The following NEK3 variants were observed in gnomAD, a reference collection of about 807,000 sequenced individuals.
NEK3 encodes the protein NIMA related kinase 3.
Under a neutral mutation model 66.0 loss-of-function variants are expected in NEK3, and 54 were observed. The observed-to-expected ratio is 0.82, with a 90% CI of 0.66 to 1.03. NEK3 has a LOEUF of 1.03. Among genes scored for constraint, NEK3 ranks in the 50% least tolerant of loss-of-function variants. The pLI, the probability that NEK3 is intolerant of heterozygous loss-of-function variation, is 0.00. For synonymous variants in NEK3, 200 were observed against 206.2 expected (o/e 0.97, Z 0.26); for missense variants, 593 against 603.0 (o/e 0.98, Z 0.17).
intron 14 of NEK3, among the ~76,000 whole-genome samples, chr13:52,134,581 A>G (rs1387635243): frequency 6.6e-6 from 1 of 152,234 alleles, no homozygotes; most frequent in Non-Finnish European, 1.5e-5. Flanking sequence ...CACAAACAGC[A>G]TGAAAACCTA....
intron 7 of NEK3, among the ~76,000 whole-genome samples, chr13:52,149,240 C>T (rs1307694701): frequency 6.6e-6 from 1 of 151,500 alleles, no homozygotes; most frequent in Non-Finnish European, 1.5e-5. Flanking sequence ...CACTGTGTTG[C>T]CTAGGCTGGA....
At chr13:52,148,548 A>G in intron 7 of NEK3, 79 bp from the exon 8 acceptor site, 1 of 1,215,240 alleles carries the variant, frequency 8.2e-7, no homozygotes, top group South Asian at 1.2e-5. Context: ...TACCTTTAAT[A>G]AGAATAGATA....
intron 13 of NEK3, 55 bp from the exon 14 acceptor site, chr13:52,135,918 T>C (rs191847609): frequency 1.3e-6 from 2 of 1,578,538 alleles, no homozygotes; most frequent in Non-Finnish European, 1.7e-6. Flanking sequence ...TTTCAGCATG[T>C]ACTTTCCAGA....
chr13:52,152,797 C>T (rs781658711), intron 4 of NEK3, 105 bp from the exon 5 acceptor site: 12 of 676,300 alleles, frequency 1.8e-5, no homozygotes, highest in East Asian at 5.3e-5. Context: ...CGGGATTTTA[C>T]GTAATGTGAG....
chr13:52,139,074 G>T (rs1346219048), intron 11 of NEK3, among the ~76,000 whole-genome samples: 1 of 152,234 alleles, frequency 6.6e-6, no homozygotes, highest in South Asian at 2.1e-4. Flanking sequence ...CAGTGTAAAA[G>T]AATGTCACAG....
Position 52,136,922 on chromosome 13 carries a change from T to C in NEK3, c.928-20A>G. The C allele has an allele frequency of 1.4e-6, 2 of 1,476,980 alleles. No individual in the cohort carries two copies. Among genetic ancestry groups the C allele is most frequent in the South Asian group, 1.3e-5 (1 of 74,358 alleles). The allele number at this position is 1,476,980 out of a possible 1,614,324, so 91.5% of individuals were successfully genotyped here. ...CTCTTGCTTTAAAAGAGATTAACAA[T>C]ACAGATTAAATAATGCTTGAATTGC... On this transcript the variant is annotated intron_variant, in intron 11 of 15. Transcript: ENST00000610828.
In NEK3 at chr13:52,151,133, A is replaced by AT. The variant is rs771947419; in HGVS notation, c.548+12dup. 1 of 1,597,622 alleles carries AT rather than the reference A, an allele frequency of 6.3e-7. No individual in the cohort carries two copies. The highest frequency in any genetic ancestry group is 1.1e-5 in the South Asian group (1 of 87,952). On this transcript the variant is annotated intron_variant, in intron 7 of 15. Coordinates refer to ENST00000610828, the MANE Select transcript of NEK3 (RefSeq NM_002498.3). Reference sequence around the variant, plus strand: ...CCAAATGGGCACCCTGACATCAAATATGCAGCACTCACCTTTTATTGTTAT... The same window carrying AT: ...CCAAATGGGCACCCTGACATCAAATATTGCAGCACTCACCTTTTATTGTTAT...
intron 7 of NEK3, among the ~76,000 whole-genome samples, chr13:52,150,866 A>G (rs1469457527): frequency 6.6e-6 from 1 of 152,232 alleles, no homozygotes; most frequent in Non-Finnish European, 1.5e-5. Context: ...AACCACTGAT[A>G]TAATTCATAC....
upstream of NEK3, chr13:52,159,736 TGC>T (rs1397475832): frequency 2.0e-5 from 3 of 152,208 alleles, no homozygotes; most frequent in Non-Finnish European, 4.4e-5. Flanking sequence ...GGTGGAACAG[TGC>T]TGTTAACATT....
chr13:52,151,080 C>CTTA, intron 7 of NEK3, 66 bp downstream of exon 7: 1 of 1,234,982 alleles, frequency 8.1e-7, no homozygotes, highest in Non-Finnish European at 1.2e-6. Context: ...CAGACTCTAG[C>CTTA]ATCATTTGCA....
intron 2 of NEK3, 86 bp from the exon 3 acceptor site, chr13:52,154,259 T>C (rs896844798): frequency 5.1e-6 from 4 of 782,390 alleles, no homozygotes; most frequent in Non-Finnish European, 7.9e-6. Flanking sequence ...TATGACACTT[T>C]AATGCTAGAT....
intron 10 of NEK3, among the ~76,000 whole-genome samples, chr13:52,141,917 T>TAAAAA (rs368362666): frequency 8.9e-6 from 1 of 112,742 alleles, no homozygotes. Flanking sequence ...CTGTCTCTAC[T>TAAAAA]AAAAAAAAAA....
chr13:52,152,694 T>C lies in NEK3; in HGVS notation c.310-2A>G, dbSNP rs773212267. On this transcript the variant is annotated splice_acceptor_variant, in intron 4 of 15. Transcript: ENST00000610828. LOFTEE classifies it high-confidence loss of function. ...CATTTGGGTAAACCAATTAAGTATCTGTAAGAAAAAGGTATGCAAAATCTT... is the reference window on the plus strand; with the variant it reads ...CATTTGGGTAAACCAATTAAGTATCCGTAAGAAAAAGGTATGCAAAATCTT... 6 of 1,601,734 alleles carry C rather than the reference T, an allele frequency of 3.7e-6. No homozygotes were observed. Among genetic ancestry groups the C allele is most frequent in the South Asian group, 1.1e-5 (1 of 89,342 alleles).
Position 52,132,786 on chromosome 13 carries a change from T to G in NEK3, c.*356A>C, listed in dbSNP as rs1207159207. 4.8e-6 allele frequency: 1 copy of G among 206,304 alleles called. No individual in the cohort carries two copies. The highest frequency in any genetic ancestry group is 9.9e-6 in the Non-Finnish European group (1 of 101,328). 12.8% of individuals were successfully genotyped at this position (206,304 alleles called of 1,614,324 possible). A position where few individuals can be genotyped will look rare whatever the true frequency, so the allele number is the denominator to read the frequency against. On this transcript the variant is annotated 3_prime_UTR_variant, in exon 16 of 16. Coordinates refer to ENST00000610828, the MANE Select transcript of NEK3 (RefSeq NM_002498.3). ...GGTCAGCATCCCTCTGAGGTAGGCA[T>G]TATTATCTTCATTTTATGGTTGAGG...
Position 52,135,711 on chromosome 13 carries a change from C to T in NEK3, c.1309+18G>A, listed in dbSNP as rs760960541. 1.9e-6 allele frequency: 3 copies of T among 1,596,290 alleles called. No individual in the cohort carries two copies. The highest frequency in any genetic ancestry group is 2.6e-6 in the Non-Finnish European group (3 of 1,173,138). ...AAAAGTCAAAGGGTTTCCAAGGTCA[C>T]ATACAGACATGAATTACCTGGTCTA... On this transcript the variant is annotated intron_variant, in intron 14 of 15. Transcript: ENST00000610828.
Position 52,145,516 on chromosome 13 carries a change from T to C in NEK3, c.604-625A>G, listed in dbSNP as rs561663264. On this transcript the variant is annotated intron_variant, in intron 8 of 15. Coordinates refer to ENST00000610828, the MANE Select transcript of NEK3 (RefSeq NM_002498.3). ...TTTTTAGACGCAGGGTCTTGCTATG[T>C]TGCCCAGGCTAGTCTTGAACTCCTG... Among the ~76,000 whole-genome samples, 7 of 152,178 alleles carry C rather than the reference T, an allele frequency of 4.6e-5. No individual in the cohort carries two copies. In the East Asian group the frequency reaches 1.4e-3, roughly 29 times the overall value.
chr13:52,136,390 C>A, intron 12 of NEK3, 131 bp from the exon 13 acceptor site: 1 of 938,948 alleles, frequency 1.1e-6, no homozygotes, highest in Non-Finnish European at 1.5e-6. Context: ...TTTGAAAGAT[C>A]AATGTTCTTT....
At position 52,151,188 on chromosome 13, in the gene NEK3, A is replaced by G. The variant is rs886084925; in HGVS notation, c.506T>C (p.Val169Ala). 1.9e-6 allele frequency: 3 copies of G among 1,610,848 alleles called. No homozygotes were observed. The highest frequency in any genetic ancestry group is 2.5e-6 in the Non-Finnish European group (3 of 1,178,600). ...CAGGTTTTCCCAAATTTCTGGAGGC[A>G]CATAATAAGGAGTTCCCACATAGGT... ...ACTYVGTPYY[V>A]PPEIWENLPY... The change falls in exon 7 of 16, where the codon GTG becomes GCG. Residue 169 changes from valine (V) to alanine (A), a missense_variant. Val to Ala is a moderately conservative substitution (Grantham distance 64). Coordinates refer to ENST00000610828, the MANE Select transcript of NEK3 (RefSeq NM_002498.3).
In NEK3 at chr13:52,153,946, A is replaced by C. The variant is rs751025440; in HGVS notation, c.258T>G (p.Asp86Glu). The change falls in exon 4 of 16, where the codon GAT becomes GAG. Residue 86 changes from aspartate (D) to glutamate (E), a missense_variant. Physicochemically the swap from Asp to Glu is conservative, Grantham distance 45. Coordinates refer to ENST00000610828, the MANE Select transcript of NEK3 (RefSeq NM_002498.3). ...TCTGCTGTTTAATCTTTTGCATTAGATCCCCTCCATCACAGTATTCCATCA... is the reference window on the plus strand; with the variant it reads ...TCTGCTGTTTAATCTTTTGCATTAGCTCCCCTCCATCACAGTATTCCATCA... ...YIVMEYCDGG[D>E]LMQKIKQQKG... is the part of the protein sequence containing the mutation. 3 of 1,613,020 alleles carry C rather than the reference A, an allele frequency of 1.9e-6. No homozygotes were observed. Among genetic ancestry groups the C allele is most frequent in the Non-Finnish European group, 2.5e-6 (3 of 1,179,268 alleles).
Sources: allele counts gnomAD v4.1 joint callset (sites outside exome capture counted in the v4.1 genomes callset), GRCh38; gene constraint gnomAD v4.1.1; transcripts MANE v1.5; gene names NCBI Gene and HGNC (gene_info 2026-07-23, HGNC 2026-07-21).